The following SPATA31H1 variants were observed in gnomAD, a reference collection of about 807,000 sequenced individuals.
SPATA31H1 encodes SPATA31 subfamily H member 1, also known as spermatogenesis-associated protein 31H1.
the SPATA31H1 span, among the ~76,000 whole-genome samples, chr2:27,539,470 AT>A: frequency 8.3e-6 from 1 of 120,912 alleles, no homozygotes; most frequent in Non-Finnish European, 1.7e-5. Flanking sequence ...AGGCAGAAGA[AT>A]TTTTCTTAGT....
the SPATA31H1 span, chr2:27,576,302 A>C: frequency 4.6e-6 from 2 of 432,920 alleles, no homozygotes; most frequent in Non-Finnish European, 8.2e-6. Flanking sequence ...CAGGGACAAA[A>C]TTTCAAGATA....
At chr2:27,544,070 C>T in the SPATA31H1 span, among the ~76,000 whole-genome samples, 12 of 151,952 alleles carry the variant, frequency 7.9e-5, no homozygotes, top group Non-Finnish European at 1.5e-4. Context: ...GAATCTACTT[C>T]CTTTCTCAGA....
chr2:27,570,301 T>C, the SPATA31H1 span: 1 of 398,744 alleles, frequency 2.5e-6, no homozygotes, highest in Non-Finnish European at 4.4e-6. Flanking sequence ...TTTCACAGCA[T>C]GAAATCTGCG....
chr2:27,566,683 T>C, the SPATA31H1 span: 1 of 582,176 alleles, frequency 1.7e-6, no homozygotes, highest in Non-Finnish European at 3.1e-6. Context: ...ATGGCCACTT[T>C]TTTCGTTTTC....
the SPATA31H1 span, chr2:27,568,195 G>T: frequency 1.8e-5 from 7 of 398,828 alleles, no homozygotes; most frequent in Admixed American, 3.1e-4. Flanking sequence ...CCAACACCAC[G>T]ATATCAAGTC....
At chr2:27,547,630 C>G in the SPATA31H1 span, among the ~76,000 whole-genome samples, 1 of 151,948 alleles carries the variant, frequency 6.6e-6, no homozygotes, top group African/African-American at 2.4e-5. Context: ...ACTGACATCC[C>G]CAAAATAATA....
At chr2:27,559,626 C>T in the SPATA31H1 span, among the ~76,000 whole-genome samples, 21 of 152,164 alleles carry the variant, frequency 1.4e-4, no homozygotes, top group Admixed American at 1.2e-3. Flanking sequence ...CTTCTACTAG[C>T]TTGGAAGTTA....
the SPATA31H1 span, chr2:27,568,328 A>T: frequency 2.5e-6 from 1 of 399,012 alleles, no homozygotes. Flanking sequence ...CACAGCATAA[A>T]GTCATGGAAT....
chr2:27,581,939 CCAT>C, the SPATA31H1 span: 1 of 1,612,884 alleles, frequency 6.2e-7, no homozygotes, highest in Non-Finnish European at 8.5e-7. Flanking sequence ...CAGAGAAAAG[CCAT>C]CACAGTCCCT....
At chr2:27,546,281 C>T in the SPATA31H1 span, among the ~76,000 whole-genome samples, 1 of 151,988 alleles carries the variant, frequency 6.6e-6, no homozygotes. Context: ...ACCACTAGGC[C>T]ATGAAGATAC....
chr2:27,575,854 G>A, the SPATA31H1 span: 1 of 398,290 alleles, frequency 2.5e-6, no homozygotes, highest in Non-Finnish European at 4.4e-6. This position sits in a 1 kb window ranked among gnomAD's most constrained non-coding sequence, Gnocchi z 4.1. Flanking sequence ...TGCAACCCAG[G>A]GCCGTATTTA....
At chr2:27,582,610 C>G in the SPATA31H1 span, 1 of 1,372,244 alleles carries the variant, frequency 7.3e-7, no homozygotes, top group South Asian at 1.4e-5. Flanking sequence ...CAGCCACTGC[C>G]TCCAATTCCT....
At chr2:27,570,706 T>A in the SPATA31H1 span, 1 of 398,736 alleles carries the variant, frequency 2.5e-6, no homozygotes, top group Admixed American at 4.4e-5. Context: ...GGGCCAAAGA[T>A]GCAAGGGGTA....
chr2:27,581,789 G>C, the SPATA31H1 span: 1 of 1,613,462 alleles, frequency 6.2e-7, no homozygotes, highest in Non-Finnish European at 8.5e-7. Context: ...GTCCCTCTGA[G>C]AGAAGCCATC....
At chr2:27,552,807 T>C in the SPATA31H1 span, among the ~76,000 whole-genome samples, 1 of 152,090 alleles carries the variant, frequency 6.6e-6, no homozygotes, top group African/African-American at 2.4e-5. Flanking sequence ...TGTCCTTGAT[T>C]AAATTTATTC....
chr2:27,577,407 T>C, the SPATA31H1 span: 7 of 1,613,868 alleles, frequency 4.3e-6, no homozygotes, highest in South Asian at 3.3e-5. This position sits in a 1 kb window ranked among gnomAD's most constrained non-coding sequence, Gnocchi z 4.5. Context: ...AGCTATGGGG[T>C]TGACCGCTGA....
the SPATA31H1 span, chr2:27,579,173 C>G: frequency 1.2e-6 from 2 of 1,614,190 alleles, no homozygotes; most frequent in Non-Finnish European, 1.7e-6. Flanking sequence ...TCAAGTCTTT[C>G]CCGGGCAGAC....
the SPATA31H1 span, chr2:27,571,365 C>T: frequency 2.5e-6 from 1 of 398,324 alleles, no homozygotes; most frequent in African/African-American, 2.1e-5. Context: ...CTTCCCACAG[C>T]CGGAAGGTGG....
the SPATA31H1 span, among the ~76,000 whole-genome samples, chr2:27,556,739 G>T: frequency 1.6e-5 from 2 of 126,264 alleles, no homozygotes; most frequent in Non-Finnish European, 3.3e-5. Context: ...GATCATTCTT[G>T]GGTGTTTCTC....
Sources: allele counts gnomAD v4.1 joint callset (sites outside exome capture counted in the v4.1 genomes callset), GRCh38; gene constraint gnomAD v4.1.1; non-coding constraint Gnocchi (gnomAD v3.1); transcripts MANE v1.5; gene names NCBI Gene and HGNC (gene_info 2026-07-23, HGNC 2026-07-21).